VWA8: variants seen among roughly 807,000 people sequenced by gnomAD.
VWA8 encodes the protein von Willebrand factor A domain-containing protein 8.
VWA8 carries 221 observed loss-of-function variants against 241.5 expected under a neutral mutation model. The observed-to-expected ratio is 0.91, with a 90% CI of 0.82 to 1.02. The LOEUF (loss-of-function observed/expected upper bound fraction) is 1.02, where lower values mean the gene tolerates loss of function less well. Ranked by LOEUF, VWA8 falls within the 50% of genes least tolerant of loss-of-function variation. VWA8 has a pLI of 0.00. For missense variants in VWA8, 2,322 were observed against 2,328.7 expected (o/e 1.00, Z 0.06); for synonymous variants, 852 against 827.1 (o/e 1.03, Z -0.52).
chr13:41,818,259 G>A lies in VWA8; in HGVS notation c.1869+959C>T, dbSNP rs541999912. Among the ~76,000 whole-genome samples, 6 of 146,166 alleles carry A rather than the reference G, an allele frequency of 4.1e-5. No homozygotes were observed. In the South Asian group the frequency reaches 9.7e-4, roughly 24 times the overall value. ...ATTACAGGCATGAGCCACCGCACCT[G>A]GCCGAATTTTTAAAAAATTAATTTA... On this transcript the variant is annotated intron_variant, in intron 15 of 44. Transcript: ENST00000379310.
rs147405284 is a variant in VWA8, at chr13:41,716,527, T to A, written c.3116+3064A>T. Among the ~76,000 whole-genome samples the A allele has an allele frequency of 3.9e-5, 6 of 152,158 alleles. No homozygotes were observed. In the East Asian group the frequency reaches 1.2e-3, roughly 29 times the overall value. The stretch of plus-strand genomic sequence containing the variant: ...CTGTAGATAGCTACACAAATAGTGG[T>A]TTAGCATTATCTTGGCCCTTGTAAA... On this transcript the variant is annotated intron_variant, in intron 26 of 44. Coordinates refer to ENST00000379310, the MANE Select transcript of VWA8 (RefSeq NM_015058.2).
At chr13:41,854,178 G>A (rs1872642501) in intron 12 of VWA8, among the ~76,000 whole-genome samples, 1 of 151,946 alleles carries the variant, frequency 6.6e-6, no homozygotes, top group Non-Finnish European at 1.5e-5. Flanking sequence ...TTTTCCATTT[G>A]GGAAAAGAAT....
chr13:41,664,570 T>C (rs2044974364), intron 37 of VWA8, among the ~76,000 whole-genome samples: 1 of 152,114 alleles, frequency 6.6e-6, no homozygotes, highest in African/African-American at 2.4e-5. Flanking sequence ...CCTGTCCTAA[T>C]TGGTGCCTTT....
At chr13:41,770,217 A>T (rs2045809190) in intron 20 of VWA8, among the ~76,000 whole-genome samples, 1 of 151,652 alleles carries the variant, frequency 6.6e-6, no homozygotes, top group African/African-American at 2.4e-5. Flanking sequence ...GGAGGCCGAG[A>T]CGTGTGGATC....
intron 9 of VWA8, 140 bp downstream of exon 9, chr13:41,883,247 T>C (rs932397294): frequency 1.6e-6 from 1 of 614,652 alleles, no homozygotes; most frequent in Non-Finnish European, 2.8e-6. Context: ...TGGTAAAGAA[T>C]GGAGGGGAAG....
At chr13:41,846,373 A>G (rs17062588) in intron 12 of VWA8, among the ~76,000 whole-genome samples, 1,998 of 152,290 alleles carry the variant, frequency 0.013, 24 homozygotes, top group Middle Eastern at 0.048. Flanking sequence ...AACACATGTG[A>G]AAGGATGGCT....
chr13:41,811,916 T>G lies in VWA8; in HGVS notation c.1948-576A>C, dbSNP rs566555634. On this transcript the variant is annotated intron_variant, in intron 16 of 44. Transcript: ENST00000379310. ...AAAATTCCACGAATAGAGTTGCTAG[T>G]ACAGAACTCAGGACATGGTCAGTAC... Among the ~76,000 whole-genome samples, 103 of 152,310 alleles carry G rather than the reference T, an allele frequency of 6.8e-4. 1 individual carries two copies. The highest frequency in any genetic ancestry group is 2.0e-3 in the African/African-American group (82 of 41,570).
At position 41,913,745 on chromosome 13, in the gene VWA8, T is replaced by C. The variant is rs116864996; in HGVS notation, c.242-1577A>G. 4.1e-3 allele frequency among the ~76,000 whole-genome samples: 623 copies of C among 152,324 alleles called. 3 individuals are homozygous for C. The highest frequency in any genetic ancestry group is 7.1e-3 in the Non-Finnish European group (483 of 68,030). On this transcript the variant is annotated intron_variant, in intron 2 of 44. Coordinates refer to ENST00000379310, the MANE Select transcript of VWA8 (RefSeq NM_015058.2). ...ATGTCACTGGAGTCACACTAAAGCA[T>C]ATTATAATCTCCCCAAAACAAATGC...
At chr13:41,901,025 G>A in intron 4 of VWA8, among the ~76,000 whole-genome samples, 1 of 151,932 alleles carries the variant, frequency 6.6e-6, no homozygotes, top group South Asian at 2.1e-4. Context: ...GATAACTTTG[G>A]GCACACAGTA....
intron 20 of VWA8, among the ~76,000 whole-genome samples, chr13:41,763,290 AAAATAAAT>A: frequency 7.2e-6 from 1 of 139,708 alleles, no homozygotes; most frequent in African/African-American, 2.6e-5. Context: ...TCCACCTGTA[AAAATAAAT>A]AAATAAATAA....
chr13:41,796,876 T>A (rs1035092175), intron 17 of VWA8, among the ~76,000 whole-genome samples: 1 of 152,152 alleles, frequency 6.6e-6, no homozygotes, highest in Non-Finnish European at 1.5e-5. Context: ...ACAATTTTCA[T>A]TCTAATTTCT....
At chr13:41,596,432 A>G (rs1489610079) in intron 40 of VWA8, among the ~76,000 whole-genome samples, 1 of 152,122 alleles carries the variant, frequency 6.6e-6, no homozygotes. Context: ...AGCCTTCTGT[A>G]TTTTATGAGA....
intron 16 of VWA8, among the ~76,000 whole-genome samples, chr13:41,812,200 G>A (rs528664792): frequency 1.1e-4 from 16 of 152,224 alleles, no homozygotes; most frequent in African/African-American, 3.1e-4. Context: ...GGTGCTCAAC[G>A]AATGGCAACA....
intron 2 of VWA8, chr13:41,926,882 C>G: frequency 1.7e-6 from 1 of 577,190 alleles, no homozygotes; most frequent in Non-Finnish European, 3.5e-6. Flanking sequence ...CTGTTGAATG[C>G]CCTCTACCTT....
chr13:41,632,974 C>T (rs911187039), intron 37 of VWA8, among the ~76,000 whole-genome samples: 55 of 152,248 alleles, frequency 3.6e-4, no homozygotes, highest in African/African-American at 1.3e-3. Flanking sequence ...CACATCACTC[C>T]GTAGCTAAGG....
intron 9 of VWA8, among the ~76,000 whole-genome samples, chr13:41,882,145 G>A (rs1026986448): frequency 6.6e-6 from 1 of 150,800 alleles, no homozygotes; most frequent in Non-Finnish European, 1.5e-5. Context: ...CCGGGTGGAG[G>A]TGCTCCTCAC....
Position 41,890,443 on chromosome 13 carries a change from C to T in VWA8, c.651+977G>A, listed in dbSNP as rs547985961. 7.0e-4 allele frequency among the ~76,000 whole-genome samples: 107 copies of T among 152,346 alleles called. 1 individual carries two copies. Among genetic ancestry groups the T allele is most frequent in the African/African-American group, 2.5e-3 (105 of 41,584 alleles). ...GAGATCCAGCATGGTACAGCTTGAG[C>T]TGGATGAACAAGGGCTAAATGTCTT... On this transcript the variant is annotated intron_variant, in intron 5 of 44. Transcript: ENST00000379310.
At chr13:41,680,165 T>C (rs1363430120) in intron 35 of VWA8, among the ~76,000 whole-genome samples, 2 of 152,220 alleles carry the variant, frequency 1.3e-5, no homozygotes, top group East Asian at 3.8e-4. Context: ...TTTTCCTGTA[T>C]AACTTTTTGC....
At chr13:41,586,625 T>C (rs1228373424) in intron 42 of VWA8, among the ~76,000 whole-genome samples, 1 of 152,198 alleles carries the variant, frequency 6.6e-6, no homozygotes, top group East Asian at 1.9e-4. Flanking sequence ...TCAATCTGTT[T>C]CTTGTTGCCT....
Sources: allele counts gnomAD v4.1 joint callset (sites outside exome capture counted in the v4.1 genomes callset), GRCh38; gene constraint gnomAD v4.1.1; transcripts MANE v1.5; gene names NCBI Gene and HGNC (gene_info 2026-07-23, HGNC 2026-07-21).